DCDC1: variants seen among roughly 807,000 people sequenced by gnomAD.
DCDC1 encodes the protein doublecortin domain-containing protein 1.
In DCDC1, 200 loss-of-function variants were observed where a neutral mutation model predicts 178.3. The observed-to-expected ratio is 1.12, with a 90% CI of 1.00 to 1.26. The LOEUF (loss-of-function observed/expected upper bound fraction) is 1.26, where lower values mean the gene tolerates loss of function less well. DCDC1 is among the 50% of genes most tolerant of loss of function. DCDC1 has a pLI of 0.00. For synonymous variants in DCDC1, 690 were observed against 604.8 expected (o/e 1.14, Z -2.07); for missense variants, 1,983 against 1,749.2 (o/e 1.13, Z -2.38).
intron 20 of DCDC1, among the ~76,000 whole-genome samples, chr11:31,027,128 C>T (rs1044886265): frequency 1.3e-5 from 2 of 151,722 alleles, no homozygotes; most frequent in East Asian, 1.9e-4. Context: ...AATCTCTATC[C>T]AACATGAGTC....
chr11:31,190,132 G>A (rs1969973975), intron 9 of DCDC1, among the ~76,000 whole-genome samples: 1 of 152,152 alleles, frequency 6.6e-6, no homozygotes, highest in Admixed American at 6.6e-5. Context: ...TTAACATGAT[G>A]AAGATAGCAC....
chr11:31,071,118 CG>C (rs1379757562), intron 18 of DCDC1, among the ~76,000 whole-genome samples: 1 of 152,020 alleles, frequency 6.6e-6, no homozygotes, highest in Non-Finnish European at 1.5e-5. Flanking sequence ...TTATGTACAA[CG>C]TAAATAAATG....
chr11:30,923,032 G>T, intron 23 of DCDC1, among the ~76,000 whole-genome samples: 1 of 151,766 alleles, frequency 6.6e-6, no homozygotes. Flanking sequence ...GAGGGAGGGA[G>T]GGAGAGACGG....
chr11:31,305,932 G>A, intron 5 of DCDC1, 155 bp from the exon 6 acceptor site: 3 of 912,414 alleles, frequency 3.3e-6, no homozygotes, highest in South Asian at 2.1e-5. Flanking sequence ...AGAAATAAAA[G>A]GTAAGTCACA....
At chr11:31,072,767 G>T (rs1191352965) in intron 18 of DCDC1, among the ~76,000 whole-genome samples, 1 of 152,052 alleles carries the variant, frequency 6.6e-6, no homozygotes, top group Non-Finnish European at 1.5e-5. Flanking sequence ...ATTTAAGCTT[G>T]TTCATTATTA....
intron 20 of DCDC1, 102 bp from the exon 21 acceptor site, chr11:30,952,670 A>G: frequency 2.2e-6 from 1 of 445,276 alleles, no homozygotes; most frequent in Non-Finnish European, 3.8e-6. Context: ...CTAGGCAAAA[A>G]CTCAGTTTGA....
chr11:31,277,914 TCAGA>T lies in DCDC1; in HGVS notation c.961-12318_961-12315del, dbSNP rs567449446. 2.1e-3 allele frequency among the ~76,000 whole-genome samples: 313 copies of T among 152,278 alleles called. 4 individuals are homozygous for T. The highest frequency in any genetic ancestry group is 7.1e-3 in the African/African-American group (296 of 41,584). On this transcript the variant is annotated intron_variant, in intron 7 of 38. Transcript: ENST00000684477. ...TTTACAAGAGCAAAAGTTTTTTGAT[TCAGA>T]CAAAGTATAATCATTTTTTGTTCAT...
At chr11:30,880,098 G>A (rs1332582129) in intron 37 of DCDC1, among the ~76,000 whole-genome samples, 1 of 152,142 alleles carries the variant, frequency 6.6e-6, no homozygotes, top group Non-Finnish European at 1.5e-5. Context: ...ACAAACTGGG[G>A]ATACAGAAAG....
chr11:31,305,465 A>T, intron 6 of DCDC1, 150 bp downstream of exon 6: 1 of 995,414 alleles, frequency 1.0e-6, no homozygotes, highest in Non-Finnish European at 1.4e-6. Flanking sequence ...TTCTTTCATT[A>T]AGCACATTAT....
chr11:31,069,807 T>C (rs927587666), intron 18 of DCDC1, among the ~76,000 whole-genome samples: 3 of 152,156 alleles, frequency 2.0e-5, no homozygotes, highest in Non-Finnish European at 4.4e-5. Context: ...AGAAAGAAGA[T>C]GTACATGGAA....
intron 18 of DCDC1, 110 bp from the exon 19 acceptor site, chr11:31,065,263 G>T: frequency 2.0e-6 from 1 of 501,892 alleles, no homozygotes; most frequent in Non-Finnish European, 3.5e-6. Flanking sequence ...AAAAAGGTCT[G>T]GCTAATAAAC....
At position 31,307,708 on chromosome 11, in the gene DCDC1, T is replaced by C; in HGVS notation, c.365A>G (p.Lys122Arg). The change falls in exon 4 of 39, where the codon AAA becomes AGA. Residue 122 changes from lysine (K) to arginine (R), a missense_variant. Coordinates refer to ENST00000684477, the MANE Select transcript of DCDC1 (RefSeq NM_001387274.1). ...SDLDSYKSNS[K>R]NNSCSISASK... ...TGCTGATATAGAACAAGAATTGTTT[T>C]TACTGTTTGATTTGTAGCTATCTAG... is the stretch of plus-strand genomic sequence containing the variant. 1 of 1,614,108 alleles carries C rather than the reference T, an allele frequency of 6.2e-7. No homozygotes were observed. The highest frequency in any genetic ancestry group is 8.5e-7 in the Non-Finnish European group (1 of 1,179,976).
chr11:30,959,819 AC>A (rs1234333760), intron 20 of DCDC1, among the ~76,000 whole-genome samples: 1 of 152,156 alleles, frequency 6.6e-6, no homozygotes, highest in East Asian at 1.9e-4. Flanking sequence ...TGTGGGTCCT[AC>A]AAACCTGGAT....
At chr11:31,020,831 A>C (rs1013187317) in intron 20 of DCDC1, among the ~76,000 whole-genome samples, 2 of 152,166 alleles carry the variant, frequency 1.3e-5, no homozygotes, top group East Asian at 1.9e-4. Context: ...AGTAAACTCG[A>C]AAAAAATTAT....
chr11:31,207,635 T>A (rs189085168), intron 9 of DCDC1, among the ~76,000 whole-genome samples: 4 of 152,352 alleles, frequency 2.6e-5, no homozygotes, highest in African/African-American at 9.6e-5. Context: ...CTTTATCTGA[T>A]TATTCATATT....
chr11:31,241,329 A>G, intron 9 of DCDC1, 121 bp downstream of exon 9: 4 of 389,072 alleles, frequency 1.0e-5, no homozygotes, highest in Non-Finnish European at 1.8e-5. Flanking sequence ...CCTAACAGGC[A>G]CTGAGCTCAC....
At chr11:30,890,800 T>C (rs1158323494) in intron 36 of DCDC1, among the ~76,000 whole-genome samples, 1 of 152,230 alleles carries the variant, frequency 6.6e-6, no homozygotes, top group African/African-American at 2.4e-5. Context: ...TAAGTATATC[T>C]TAAACATCTT....
At chr11:31,207,156 A>T (rs1309022588) in intron 9 of DCDC1, among the ~76,000 whole-genome samples, 3 of 152,196 alleles carry the variant, frequency 2.0e-5, no homozygotes, top group Non-Finnish European at 4.4e-5. Flanking sequence ...AGATAATAAT[A>T]GAACCTGTAA....
chr11:31,206,301 T>C (rs286652), intron 9 of DCDC1, among the ~76,000 whole-genome samples: 106,194 of 152,034 alleles, frequency 0.7, 38,194 homozygotes, highest in East Asian at 0.96. Flanking sequence ...TCAGGCAAAG[T>C]GAAATACAAA....
Sources: gnomAD v4.1 joint callset for allele counts (sites outside exome capture counted in the v4.1 genomes callset) on GRCh38, gnomAD v4.1.1 for gene constraint, MANE v1.5 for transcripts, NCBI Gene and HGNC (gene_info 2026-07-23, HGNC 2026-07-21) for gene names.